MRPS35: variants seen among roughly 807,000 people sequenced by gnomAD.
MRPS35 encodes the protein small ribosomal subunit protein mS35.
MRPS35 carries 29 observed loss-of-function variants against 32.7 expected under a neutral mutation model. The observed-to-expected ratio is 0.89, with a 90% CI of 0.66 to 1.21. The LOEUF (loss-of-function observed/expected upper bound fraction) is 1.21. MRPS35 is among the 50% of genes most tolerant of loss of function. The probability of loss-of-function intolerance (pLI) is 0.00; values close to 1 mark genes in which losing one functional copy is unlikely to be tolerated. For missense variants in MRPS35, 373 were observed against 383.8 expected (o/e 0.97, Z 0.23); for synonymous variants, 148 against 139.3 (o/e 1.06, Z -0.44).
At position 27,716,374 on chromosome 12, in the gene MRPS35, T is replaced by C; in HGVS notation, c.237T>C (p.Ser79=). 3 of 1,614,212 alleles carry C rather than the reference T, an allele frequency of 1.9e-6. No homozygotes were observed. The highest frequency in any genetic ancestry group is 2.5e-6 in the Non-Finnish European group (3 of 1,180,042). ...VYPVAAPFKP[S]AVPLPVRMGY... ...CAGTTGCAGCACCATTTAAACCCTC[T>C]GCAGTACCTCTTCCTGTTCGAATGG... The change falls in exon 3 of 8, where the codon TCT becomes TCC. Residue 79 remains serine, a synonymous_variant. Coordinates refer to ENST00000081029, the MANE Select transcript of MRPS35 (RefSeq NM_021821.4).
intron 5 of MRPS35, among the ~76,000 whole-genome samples, chr12:27,733,460 G>A (rs1323324111): frequency 6.6e-6 from 1 of 152,030 alleles, no homozygotes; most frequent in Non-Finnish European, 1.5e-5. Context: ...TTAAGCTTTT[G>A]AAACTTTTAA....
intron 7 of MRPS35, among the ~76,000 whole-genome samples, chr12:27,751,552 G>A (rs2062003550): frequency 6.6e-6 from 1 of 152,042 alleles, no homozygotes; most frequent in Non-Finnish European, 1.5e-5. Context: ...TGTGGCTCCC[G>A]CGACCCCCAT....
chr12:27,717,924 A>G (rs1343749421), intron 3 of MRPS35, among the ~76,000 whole-genome samples: 1 of 152,144 alleles, frequency 6.6e-6, no homozygotes, highest in Non-Finnish European at 1.5e-5. Context: ...CAAATTGTCT[A>G]TTGTTTTTTC....
rs530820901 is a variant in MRPS35, at chr12:27,719,652, G to A, written c.322-156G>A. On this transcript the variant is annotated intron_variant, in intron 3 of 7. Coordinates refer to ENST00000081029, the MANE Select transcript of MRPS35 (RefSeq NM_021821.4). ...CTGCAGTCCGCAGTCCGGCCTGGGC[G>A]ACAGAGCGAGACTCTGTCTCAAAAA... is the stretch of plus-strand genomic sequence containing the variant. 4.8e-5 allele frequency among the ~76,000 whole-genome samples: 7 copies of A among 146,300 alleles called. No homozygotes were observed. The South Asian group carries it at 8.7e-4, about 18-fold the overall frequency.
chr12:27,731,828 C>G (rs2061923271), intron 5 of MRPS35, among the ~76,000 whole-genome samples: 1 of 152,210 alleles, frequency 6.6e-6, no homozygotes, highest in Admixed American at 6.5e-5. Context: ...CTTGGCCTCC[C>G]AAAGTGCTGG....
At chr12:27,733,764 C>T (rs1341752673) in intron 5 of MRPS35, among the ~76,000 whole-genome samples, 3 of 152,160 alleles carry the variant, frequency 2.0e-5, no homozygotes, top group East Asian at 3.8e-4. Flanking sequence ...TGGTGATTCA[C>T]ATTGTCTAAT....
At chr12:27,712,328 T>A (rs2061830536) in intron 1 of MRPS35, among the ~76,000 whole-genome samples, 2 of 152,202 alleles carry the variant, frequency 1.3e-5, no homozygotes, top group Non-Finnish European at 2.9e-5. Flanking sequence ...AATAATCTGA[T>A]CTCTCAAGAG....
chr12:27,711,055 G>A (rs1411082036), intron 1 of MRPS35, 100 bp downstream of exon 1: 1 of 1,096,752 alleles, frequency 9.1e-7, no homozygotes, highest in Admixed American at 2.0e-5. Context: ...GCGCCGCCCG[G>A]GGGAGGCCAG....
chr12:27,730,051 G>C (rs2061915753), intron 5 of MRPS35, among the ~76,000 whole-genome samples: 1 of 152,172 alleles, frequency 6.6e-6, no homozygotes, highest in Non-Finnish European at 1.5e-5. Context: ...GAGAATTTCA[G>C]ACCCAGGTTC....
At chr12:27,716,553 T>G (rs1019368731) in intron 3 of MRPS35, 95 bp downstream of exon 3, 1 of 1,169,274 alleles carries the variant, frequency 8.6e-7, no homozygotes, top group Admixed American at 2.3e-5. Flanking sequence ...CACCGTTCAG[T>G]GTATAGCAGC....
intron 3 of MRPS35, among the ~76,000 whole-genome samples, chr12:27,716,865 C>A (rs2061853352): frequency 1.3e-5 from 2 of 152,076 alleles, no homozygotes; most frequent in Admixed American, 6.6e-5. Context: ...GTGGTGGGCA[C>A]CTGTAATCCC....
chr12:27,746,385 C>A (rs1565471336), intron 7 of MRPS35, among the ~76,000 whole-genome samples: 1 of 152,124 alleles, frequency 6.6e-6, no homozygotes, highest in Non-Finnish European at 1.5e-5. Context: ...GAATGCTCAA[C>A]CAGTCAGTAT....
chr12:27,754,114 C>T lies in MRPS35; in HGVS notation c.703-1067C>T, dbSNP rs1423898209. ...ACTAAAAATACAAAAATTAGCTGGG[C>T]GTGGTGGTGGGCGCCTGTACTTCCA... is the stretch of plus-strand genomic sequence containing the variant. On this transcript the variant is annotated intron_variant, in intron 7 of 7. Coordinates refer to ENST00000081029, the MANE Select transcript of MRPS35 (RefSeq NM_021821.4). Among the ~76,000 whole-genome samples the T allele has an allele frequency of 5.9e-5, 9 of 151,998 alleles. No homozygotes were observed. The South Asian group carries it at 8.3e-4, about 14-fold the overall frequency.
chr12:27,719,792 A>C lies in MRPS35; in HGVS notation c.322-16A>C. 1.3e-6 allele frequency: 2 copies of C among 1,529,468 alleles called. No homozygotes were observed. The highest frequency in any genetic ancestry group is 1.4e-5 in the African/African-American group (1 of 72,842). 94.7% of individuals were successfully genotyped at this position (1,529,468 alleles called of 1,614,324 possible). A position where few individuals can be genotyped will look rare whatever the true frequency, so the allele number is the denominator to read the frequency against. On this transcript the variant is annotated splice_polypyrimidine_tract_variant and intron_variant, in intron 3 of 7. Transcript: ENST00000081029. ...AGACATTTAGCTAATTTATCTTTTA[A>C]ATTTCTCTATTTAAGATTCCCAATT... is the stretch of plus-strand genomic sequence containing the variant.
At chr12:27,733,485 A>G (rs2061930784) in intron 5 of MRPS35, among the ~76,000 whole-genome samples, 1 of 152,186 alleles carries the variant, frequency 6.6e-6, no homozygotes, top group South Asian at 2.1e-4. Context: ...ATTGTTAGAC[A>G]TTATTATGAT....
intron 3 of MRPS35, among the ~76,000 whole-genome samples, chr12:27,717,210 C>A: frequency 6.6e-6 from 1 of 151,880 alleles, no homozygotes; most frequent in South Asian, 2.1e-4. Flanking sequence ...TTGCATCTTT[C>A]CAGTGGAATT....
intron 7 of MRPS35, among the ~76,000 whole-genome samples, chr12:27,748,437 TGG>T (rs1491240095): frequency 3.6e-5 from 3 of 82,500 alleles, no homozygotes; most frequent in African/African-American, 1.6e-4. Context: ...AAAAGAAAAG[TGG>T]TGTGTGTGTG....
At chr12:27,746,342 A>G (rs185977841) in intron 7 of MRPS35, among the ~76,000 whole-genome samples, 3,839 of 152,140 alleles carry the variant, frequency 0.025, 151 homozygotes, top group African/African-American at 0.088. Flanking sequence ...CACTGACATG[A>G]TGCTCAAAAG....
intron 7 of MRPS35, among the ~76,000 whole-genome samples, chr12:27,748,438 G>GCTGTGT (rs148534082): frequency 6.9e-6 from 1 of 145,972 alleles, no homozygotes; most frequent in African/African-American, 2.5e-5. Flanking sequence ...AAAGAAAAGT[G>GCTGTGT]GTGTGTGTGT....
Sources: gnomAD v4.1 joint callset for allele counts (sites outside exome capture counted in the v4.1 genomes callset) on GRCh38, gnomAD v4.1.1 for gene constraint, MANE v1.5 for transcripts, NCBI Gene and HGNC (gene_info 2026-07-23, HGNC 2026-07-21) for gene names.